Variants in LIN54 observed in about 807,000 individuals in gnomAD.
LIN54 encodes protein lin-54 homolog.
A neutral mutation model predicts 78.7 loss-of-function variants in LIN54; 9 were observed. The observed-to-expected ratio is 0.11, with a 90% CI of 0.07 to 0.20. The LOEUF (loss-of-function observed/expected upper bound fraction) is 0.20. LIN54 is among the 10% of genes least tolerant of loss of function. The pLI is 1.00. For missense variants in LIN54, 573 were observed against 889.9 expected (o/e 0.64, Z 4.53); for synonymous variants, 269 against 318.4 (o/e 0.84, Z 1.65).
In LIN54 at chr4:83,010,530, C is replaced by T; in HGVS notation, c.-79G>A. The T allele has an allele frequency of 8.8e-7, 1 of 1,142,340 alleles. No individual in the cohort carries two copies. The highest frequency in any genetic ancestry group is 1.1e-6 in the Non-Finnish European group (1 of 931,458). The allele number at this position is 1,142,340 out of a possible 1,614,324, so 70.8% of individuals were successfully genotyped here. A position where few individuals can be genotyped will look rare whatever the true frequency, so the allele number is the denominator to read the frequency against. On this transcript the variant is annotated 5_prime_UTR_variant, in exon 1 of 13. Transcript: ENST00000340417. Reference sequence around the variant, plus strand: ...CCTCCCTCGGGCTCCGAGGTAGGGGCTCCAGAAGGTCCTGGGCAATCCCGA... The same window carrying T: ...CCTCCCTCGGGCTCCGAGGTAGGGGTTCCAGAAGGTCCTGGGCAATCCCGA...
chr4:82,945,627 G>A (rs1442179486), intron 5 of LIN54, among the ~76,000 whole-genome samples: 2 of 151,948 alleles, frequency 1.3e-5, no homozygotes, highest in Non-Finnish European at 2.9e-5. Context: ...CCAAGTAGCT[G>A]GGACTACAGG....
intron 4 of LIN54, among the ~76,000 whole-genome samples, chr4:82,964,315 T>C (rs535692852): frequency 2.0e-4 from 31 of 152,338 alleles, no homozygotes; most frequent in African/African-American, 6.7e-4. Flanking sequence ...CCACCCAAAG[T>C]GTTGGGATTA....
At position 82,934,354 on chromosome 4, in the gene LIN54, C is replaced by A. The variant is rs1722214461; in HGVS notation, c.1845+1627G>T. 2.6e-5 allele frequency among the ~76,000 whole-genome samples: 4 copies of A among 152,188 alleles called. No individual in the cohort carries two copies. The South Asian group carries it at 8.3e-4, about 32-fold the overall frequency. ...CCAGGAGACGGATATTACAGTGAGC[C>A]AAGATCGCACCACTGCACTCCAGCC... On this transcript the variant is annotated intron_variant, in intron 11 of 12. Coordinates refer to ENST00000340417, the MANE Select transcript of LIN54 (RefSeq NM_194282.4).
chr4:82,989,638 G>A (rs114790355), intron 1 of LIN54, among the ~76,000 whole-genome samples: 56 of 152,248 alleles, frequency 3.7e-4, no homozygotes, highest in South Asian at 1.9e-3. Context: ...TCCCCATAAG[G>A]ACACACAGAC....
At chr4:82,942,854 G>GCA (rs1378437406) in intron 5 of LIN54, among the ~76,000 whole-genome samples, 3 of 47,216 alleles carry the variant, frequency 6.4e-5, no homozygotes, top group Admixed American at 1.6e-4. Flanking sequence ...GTGTGCGTGT[G>GCA]CGCGCGCACA....
Position 82,938,577 on chromosome 4 carries a change from A to G in LIN54, c.1441-73T>C, listed in dbSNP as rs879108145. On this transcript the variant is annotated intron_variant, in intron 7 of 12. Transcript: ENST00000340417. ...AATACTGTCAGGTATGATGATCAGT[A>G]AGAAATACAAATTCATCCATTAAGA... is the stretch of plus-strand genomic sequence containing the variant. The G allele has an allele frequency of 1.0e-5, 8 of 794,826 alleles. No homozygotes were observed. In the South Asian group the frequency reaches 1.2e-4, roughly 12 times the overall value. 49.2% of individuals were successfully genotyped at this position (794,826 alleles called of 1,614,324 possible).
chr4:82,970,545 C>T, intron 3 of LIN54, 76 bp from the exon 4 acceptor site: 1 of 1,254,672 alleles, frequency 8.0e-7, no homozygotes, highest in South Asian at 1.4e-5. Context: ...ATGCTCTACA[C>T]TCACAAGGAC....
chr4:82,979,964 A>AAAAAAAAAAAAAAAAC (rs1726496426), intron 2 of LIN54, among the ~76,000 whole-genome samples: 1 of 139,576 alleles, frequency 7.2e-6, no homozygotes, highest in Non-Finnish European at 1.6e-5. Flanking sequence ...AAAAAAAAAA[A>AAAAAAAAAAAAAAAAC]AATACTGGGT....
intron 4 of LIN54, among the ~76,000 whole-genome samples, chr4:82,951,502 T>C (rs559849075): frequency 6.6e-6 from 1 of 152,070 alleles, no homozygotes; most frequent in South Asian, 2.1e-4. Context: ...CTACTAAGGA[T>C]TAAAACATAT....
intron 4 of LIN54, among the ~76,000 whole-genome samples, chr4:82,950,207 C>T (rs891217470): frequency 5.9e-5 from 9 of 152,196 alleles, no homozygotes; most frequent in South Asian, 4.1e-4. Flanking sequence ...ACTTTTTTGA[C>T]GTGTTAGTCC....
At chr4:82,982,418 C>A (rs1726755746) in intron 2 of LIN54, among the ~76,000 whole-genome samples, 1 of 152,018 alleles carries the variant, frequency 6.6e-6, no homozygotes, top group African/African-American at 2.4e-5. Flanking sequence ...TTGGTAGAAA[C>A]AGGGTTTCAC....
intron 1 of LIN54, among the ~76,000 whole-genome samples, chr4:82,997,610 T>G (rs1408349154): frequency 6.6e-6 from 1 of 152,056 alleles, no homozygotes; most frequent in East Asian, 1.9e-4. Flanking sequence ...CTGAGGATTT[T>G]GGAGGCAGGG....
In LIN54 at chr4:82,934,017, C is replaced by T. The variant is rs774257589; in HGVS notation, c.1845+1964G>A. On this transcript the variant is annotated intron_variant, in intron 11 of 12. Transcript: ENST00000340417. Reference sequence around the variant, plus strand: ...TATGATATGGCTTCTAAACGCAAGCCGGCTATTTCATCAGGTATTCAAAAG... The same window carrying T: ...TATGATATGGCTTCTAAACGCAAGCTGGCTATTTCATCAGGTATTCAAAAG... Among the ~76,000 whole-genome samples, 12 of 152,068 alleles carry T rather than the reference C, an allele frequency of 7.9e-5. No homozygotes were observed. In the East Asian group the frequency reaches 9.6e-4, roughly 12 times the overall value.
Position 82,987,758 on chromosome 4 carries a change from A to C in LIN54, c.-32-2882T>G, listed in dbSNP as rs375230664. On this transcript the variant is annotated intron_variant, in intron 1 of 12. Coordinates refer to ENST00000340417, the MANE Select transcript of LIN54 (RefSeq NM_194282.4). Reference sequence around the variant, plus strand: ...GTATTCCATGGTGTATAAGTGCCAAATTTTATTTATCCAGTCTATCACTGA... The same window carrying C: ...GTATTCCATGGTGTATAAGTGCCAACTTTTATTTATCCAGTCTATCACTGA... Among the ~76,000 whole-genome samples the C allele has an allele frequency of 5.9e-5, 9 of 152,286 alleles. No individual in the cohort carries two copies. In the South Asian group the frequency reaches 1.9e-3, roughly 32 times the overall value.
chr4:83,007,134 C>T lies in LIN54; in HGVS notation c.-33+3350G>A, dbSNP rs140807280. Among the ~76,000 whole-genome samples, 210 of 151,476 alleles carry T rather than the reference C, an allele frequency of 1.4e-3. 1 individual carries two copies. The highest frequency in any genetic ancestry group is 2.2e-4 in the Non-Finnish European group (15 of 67,890). On this transcript the variant is annotated intron_variant, in intron 1 of 12. Transcript: ENST00000340417. ...CAGCCTGGGCAACAGAGTGAAACTC[C>T]GTCTCAAAAAACAAATAAATACATA...
At chr4:82,998,925 CACAA>C (rs914554688) in intron 1 of LIN54, among the ~76,000 whole-genome samples, 16 of 152,232 alleles carry the variant, frequency 1.1e-4, no homozygotes, top group Non-Finnish European at 1.8e-4. Context: ...AACTTATCCA[CACAA>C]ACAAATTATA....
chr4:82,992,677 C>T (rs1053644891), intron 1 of LIN54, among the ~76,000 whole-genome samples: 2 of 152,114 alleles, frequency 1.3e-5, no homozygotes, highest in Admixed American at 6.5e-5. Context: ...GCCTCAGCCC[C>T]GCAAGTAGCT....
chr4:82,979,932 T>C (rs1346506316), intron 2 of LIN54, among the ~76,000 whole-genome samples: 3 of 42,290 alleles, frequency 7.1e-5, no homozygotes, highest in Non-Finnish European at 1.3e-4. Context: ...TGAGTGAGAC[T>C]CTGTCTCAAA....
At chr4:82,975,830 T>C (rs1203534316) in intron 3 of LIN54, among the ~76,000 whole-genome samples, 1 of 152,108 alleles carries the variant, frequency 6.6e-6, no homozygotes, top group African/African-American at 2.4e-5. Flanking sequence ...GTATGACTAA[T>C]GGATAACTCA....
Sources: allele counts gnomAD v4.1 joint callset (sites outside exome capture counted in the v4.1 genomes callset), GRCh38; gene constraint gnomAD v4.1.1; transcripts MANE v1.5; gene names NCBI Gene and HGNC (gene_info 2026-07-23, HGNC 2026-07-21).